PUM2: variants seen among roughly 807,000 people sequenced by gnomAD.
The protein encoded by PUM2 is pumilio homolog 2.
Under a neutral mutation model 124.5 loss-of-function variants are expected in PUM2, and 57 were observed. The observed-to-expected ratio is 0.46, with a 90% CI of 0.37 to 0.57. The LOEUF is 0.57. Among genes scored for constraint, PUM2 ranks in the 20% least tolerant of loss-of-function variants. PUM2 has a pLI of 0.00. For missense variants in PUM2, 1,065 were observed against 1,290.6 expected (o/e 0.83, Z 2.68); for synonymous variants, 460 against 446.1 (o/e 1.03, Z -0.39).
At chr2:20,280,533 A>T (rs1405038456) in intron 12 of PUM2, among the ~76,000 whole-genome samples, 1 of 152,198 alleles carries the variant, frequency 6.6e-6, no homozygotes, top group Non-Finnish European at 1.5e-5. Flanking sequence ...ACTGACAATG[A>T]AAAGACAACA....
intron 3 of PUM2, among the ~76,000 whole-genome samples, chr2:20,314,976 G>GAA (rs1275060839): frequency 8.3e-6 from 1 of 119,962 alleles, no homozygotes; most frequent in Non-Finnish European, 1.8e-5. Flanking sequence ...AAAATTTAAG[G>GAA]AAAAAAAAAA....
chr2:20,322,435 T>G (rs1682603821), intron 2 of PUM2, among the ~76,000 whole-genome samples: 1 of 151,818 alleles, frequency 6.6e-6, no homozygotes, highest in African/African-American at 2.4e-5. Context: ...AATAAAATAA[T>G]TATAAATAAA....
At chr2:20,311,695 A>G (rs750099414) in intron 4 of PUM2, 32 bp from the exon 5 acceptor site, 8 of 1,594,916 alleles carry the variant, frequency 5.0e-6, no homozygotes, top group Non-Finnish European at 6.0e-6. Context: ...GATTCTGAAT[A>G]TTTAATAGAA....
Position 20,251,640 on chromosome 2 carries a change from A to C in PUM2, c.3140T>G (p.Leu1047Trp). The C allele has an allele frequency of 6.2e-7, 1 of 1,613,934 alleles. No homozygotes were observed. The change falls in exon 21 of 21, where the codon TTG (leucine) becomes TGG (tryptophan). Residue 1047 changes from leucine to tryptophan, a missense_variant. By Grantham distance (61) the Leu-to-Trp change is moderately conservative. Transcript: ENST00000361078. ...HILAKLEKYY[L>W]KNSPDLGPIG... ...AGGTCCTAGGTCCGGGCTATTCTTC[A>C]AATAATACTTTTCCAACTTGGCCAG... is the stretch of plus-strand genomic sequence containing the variant.
chr2:20,271,158 T>C (rs190515702), intron 13 of PUM2, among the ~76,000 whole-genome samples: 7 of 152,242 alleles, frequency 4.6e-5, no homozygotes, highest in South Asian at 2.1e-4. Context: ...ATATTCAATA[T>C]TGAATAAGTA....
chr2:20,290,495 A>C (rs1558562329), intron 10 of PUM2, among the ~76,000 whole-genome samples, 157 bp downstream of exon 10: 1 of 152,114 alleles, frequency 6.6e-6, no homozygotes, highest in Non-Finnish European at 1.5e-5. Context: ...TCTCACAATC[A>C]ATACTGATTT....
At chr2:20,294,247 T>A in intron 9 of PUM2, 129 bp downstream of exon 9, 1 of 960,756 alleles carries the variant, frequency 1.0e-6, no homozygotes. Flanking sequence ...AATACTTGCG[T>A]ATCAACTGTA....
chr2:20,350,559 C>T, intron 1 of PUM2, 38 bp downstream of exon 1: 1 of 985,576 alleles, frequency 1.0e-6, no homozygotes, highest in Non-Finnish European at 1.2e-6. Context: ...TCGACGGCGC[C>T]AAAGGACCGG....
chr2:20,253,695 G>T, intron 20 of PUM2, 127 bp downstream of exon 20: 1 of 879,604 alleles, frequency 1.1e-6, no homozygotes, highest in Non-Finnish European at 1.7e-6. Flanking sequence ...ATCTGCCAAA[G>T]GATATCCATC....
chr2:20,272,528 C>G (rs1254720969), intron 13 of PUM2, among the ~76,000 whole-genome samples: 2 of 152,114 alleles, frequency 1.3e-5, no homozygotes, highest in African/African-American at 4.8e-5. Context: ...TTCCGCTGTT[C>G]TATTTATTTA....
intron 1 of PUM2, among the ~76,000 whole-genome samples, chr2:20,337,854 GA>G (rs1021475795): frequency 6.6e-6 from 1 of 152,084 alleles, no homozygotes; most frequent in African/African-American, 2.4e-5. Context: ...AATAACAACA[GA>G]AATTTTATTG....
Position 20,260,386 on chromosome 2 carries a change from T to G in PUM2, c.2306A>C (p.Gln769Pro). Residue 769 changes from glutamine (Q) to proline (P), a missense_variant, in exon 15 of 21, where the codon CAA (glutamine) becomes CCA (proline). This residue lies in a region of PUM2 where 968 missense variants were observed against 1,159.8 expected (regional missense o/e 0.83). Transcript: ENST00000361078. Reference protein sequence around the residue: ...VFNEILQAAYQLMTDVFGNYV... With the variant: ...VFNEILQAAYPLMTDVFGNYV... ...GTTGCCAAAAACATCAGTCATTAAT[T>G]GATAGGCTGCTTGCAGAATTTCATT... is the stretch of plus-strand genomic sequence containing the variant. 6.2e-7 allele frequency: 1 copy of G among 1,613,006 alleles called. No homozygotes were observed. The highest frequency in any genetic ancestry group is 8.5e-7 in the Non-Finnish European group (1 of 1,179,218).
At chr2:20,291,454 C>T (rs1283401879) in intron 9 of PUM2, among the ~76,000 whole-genome samples, 2 of 152,174 alleles carry the variant, frequency 1.3e-5, no homozygotes, top group East Asian at 1.9e-4. Context: ...TTTATCCGAC[C>T]GACTGCATAT....
At chr2:20,305,606 A>G (rs950292246) in intron 7 of PUM2, among the ~76,000 whole-genome samples, 1 of 152,118 alleles carries the variant, frequency 6.6e-6, no homozygotes, top group Admixed American at 6.6e-5. Flanking sequence ...TCCTAAATGA[A>G]ATACTAGCAA....
chr2:20,262,840 C>T lies in PUM2; in HGVS notation c.2225+353G>A, dbSNP rs1041211549. ...CACTGAATACCAACCTATAATGCAA[C>T]ACAAAGGCATTTAACATTGTTTGCT... On this transcript the variant is annotated intron_variant, in intron 14 of 20. Coordinates refer to ENST00000361078, the MANE Select transcript of PUM2 (RefSeq NM_015317.5). Among the ~76,000 whole-genome samples the T allele has an allele frequency of 8.5e-5, 13 of 152,118 alleles. No homozygotes were observed. In the East Asian group the frequency reaches 1.5e-3, roughly 18 times the overall value.
upstream of PUM2, chr2:20,350,878 C>G: frequency 1.3e-6 from 1 of 778,288 alleles, no homozygotes; most frequent in Non-Finnish European, 1.6e-6. Context: ...CAGTGCACCC[C>G]GGGAGAAAGG....
At chr2:20,296,309 C>T (rs1675524318) in intron 8 of PUM2, among the ~76,000 whole-genome samples, 1 of 152,118 alleles carries the variant, frequency 6.6e-6, no homozygotes, top group Admixed American at 6.5e-5. Flanking sequence ...TCCTGGCTAA[C>T]ACAGTGAAAC....
intron 1 of PUM2, chr2:20,350,319 G>T: frequency 3.0e-6 from 1 of 336,254 alleles, no homozygotes; most frequent in Non-Finnish European, 4.2e-6. Context: ...GAACCGGGTC[G>T]GCGCCCCACG....
chr2:20,262,457 A>G (rs947960729), intron 14 of PUM2, among the ~76,000 whole-genome samples: 1 of 152,242 alleles, frequency 6.6e-6, no homozygotes, highest in Non-Finnish European at 1.5e-5. Context: ...CAATATACAG[A>G]GTAGGTGTGT....
Sources: allele counts gnomAD v4.1 joint callset (sites outside exome capture counted in the v4.1 genomes callset), GRCh38; gene constraint gnomAD v4.1.1; regional missense constraint gnomAD v4.1.1; transcripts MANE v1.5; gene names NCBI Gene and HGNC (gene_info 2026-07-23, HGNC 2026-07-21).